The following ARHGEF9 variants were observed in gnomAD, a reference collection of about 807,000 sequenced individuals.
ARHGEF9 encodes the protein Cdc42 guanine nucleotide exchange factor 9.
In ARHGEF9, 2 loss-of-function variants were observed where a neutral mutation model predicts 41.3. The ratio of observed to expected loss-of-function variants is 0.05; its 90% CI spans 0.02 to 0.15. ARHGEF9 has a LOEUF of 0.15. Ranked by LOEUF, ARHGEF9 falls within the 10% of genes least tolerant of loss-of-function variation. The pLI is 1.00. For missense variants in ARHGEF9, 225 were observed against 424.7 expected, an observed-to-expected ratio of 0.53 and a Z score of 4.13; for synonymous variants, 160 against 154.4, an observed-to-expected ratio of 1.04 and a Z score of -0.27.
chrX:63,752,463 A>G (rs1477680000), intron 1 of ARHGEF9, among the ~76,000 whole-genome samples: 1 of 112,115 alleles, frequency 8.9e-6, no homozygotes, highest in Non-Finnish European at 1.9e-5. Context: ...AAGTGCCCAG[A>G]AAAGATATAA....
intron 8 of ARHGEF9, among the ~76,000 whole-genome samples, chrX:63,645,211 C>T (rs1255040953): frequency 9.1e-6 from 1 of 110,212 alleles, no homozygotes; most frequent in African/African-American, 3.3e-5. Context: ...GGAAAATATA[C>T]TCTAAAATGA....
chrX:63,701,407 T>A (rs782560546), intron 3 of ARHGEF9: 17 of 110,551 alleles, frequency 1.5e-4, no homozygotes, highest in Non-Finnish European at 2.6e-4. Flanking sequence ...CTGACAAACA[T>A]CTTGAAGACA....
intron 1 of ARHGEF9, chrX:63,767,036 G>A: frequency 2.1e-6 from 2 of 934,119 alleles, no homozygotes; most frequent in Non-Finnish European, 3.1e-6. Flanking sequence ...GTATTGAAGA[G>A]GTGAATATGT....
chrX:63,653,038 T>A (rs1556331421), intron 8 of ARHGEF9, among the ~76,000 whole-genome samples: 2 of 111,257 alleles, frequency 1.8e-5, no homozygotes, highest in Non-Finnish European at 3.8e-5. Context: ...GAACTGTGAG[T>A]CAATTAAACC....
chrX:63,683,149 C>T (rs2050761988), intron 4 of ARHGEF9, among the ~76,000 whole-genome samples: 1 of 108,672 alleles, frequency 9.2e-6, no homozygotes, highest in Non-Finnish European at 1.9e-5. Flanking sequence ...AGTAAAGATG[C>T]AGGATACAAA....
chrX:63,758,112 A>G (rs1464433079), intron 1 of ARHGEF9, among the ~76,000 whole-genome samples: 1 of 106,370 alleles, frequency 9.4e-6, no homozygotes, highest in African/African-American at 3.5e-5. Flanking sequence ...GCATTCTGAG[A>G]GCCAGAGAAT....
chrX:63,678,593 G>GAAAGGAA (rs2050416598), intron 4 of ARHGEF9, 21 bp from the exon 5 acceptor site: 1 of 1,118,736 alleles, frequency 8.9e-7, no homozygotes, highest in African/African-American at 1.8e-5. Context: ...AGAAAAAAAG[G>GAAAGGAA]AAAGGAAAAG....
At chrX:63,733,273 T>G (rs1259782869) in intron 1 of ARHGEF9, among the ~76,000 whole-genome samples, 2 of 111,819 alleles carry the variant, frequency 1.8e-5, no homozygotes, top group African/African-American at 3.3e-5. Flanking sequence ...TTACATAATA[T>G]GTACCCAGCT....
At chrX:63,669,618 C>A (rs1556352908) in intron 6 of ARHGEF9, among the ~76,000 whole-genome samples, 1 of 110,877 alleles carries the variant, frequency 9.0e-6, no homozygotes, top group Non-Finnish European at 1.9e-5. Flanking sequence ...GTTCCTTTAG[C>A]ACACACTCCT....
chrX:63,670,148 T>C (rs1404409271), intron 6 of ARHGEF9: 1 of 111,359 alleles, frequency 9.0e-6, no homozygotes, highest in Non-Finnish European at 1.9e-5. Flanking sequence ...CCAATTGATG[T>C]GGGGCTGTAA....
chrX:63,639,396 C>A (rs1384495906), intron 9 of ARHGEF9: 1 of 111,828 alleles, frequency 8.9e-6, no homozygotes, highest in Admixed American at 9.5e-5. Flanking sequence ...TATTTGAAAT[C>A]ATTACAGATT....
At position 63,675,395 on chromosome X, in the gene ARHGEF9, T is replaced by C. The variant is rs1240601187; in HGVS notation, c.816-1228A>G. ...GCTTTTGCACAATATAGAAACAGAA[T>C]GTAGCACAGTGGGTAAGAGCATAAA... On this transcript the variant is annotated intron_variant, in intron 5 of 9. Transcript: ENST00000671741. Among the ~76,000 whole-genome samples the C allele has an allele frequency of 4.5e-5, 5 of 111,523 alleles. No individual in the cohort carries two copies. The East Asian group carries it at 1.4e-3, about 32-fold the overall frequency.
chrX:63,740,556 G>A (rs1159423556), intron 1 of ARHGEF9, among the ~76,000 whole-genome samples: 2 of 112,407 alleles, frequency 1.8e-5, no homozygotes, highest in Non-Finnish European at 3.8e-5. Flanking sequence ...AGAGGGGAAC[G>A]TGACTGAGAC....
intron 1 of ARHGEF9, among the ~76,000 whole-genome samples, chrX:63,763,740 A>G (rs2056071825): frequency 9.0e-6 from 1 of 111,676 alleles, no homozygotes; most frequent in African/African-American, 3.3e-5. Context: ...TAGTTTCCTC[A>G]TTTACAAAAC....
At chrX:63,774,632 C>A (rs1264749682) in intron 1 of ARHGEF9, among the ~76,000 whole-genome samples, 2 of 111,339 alleles carry the variant, frequency 1.8e-5, no homozygotes, top group East Asian at 5.6e-4. Context: ...CTGCTTGGAA[C>A]AACTCATGCT....
intron 1 of ARHGEF9, chrX:63,755,126 C>G: frequency 1.1e-6 from 1 of 938,920 alleles, no homozygotes; most frequent in Non-Finnish European, 1.3e-6. Flanking sequence ...TCCCCATCCC[C>G]CGCTCAGCCC....
At chrX:63,688,004 G>T (rs1464704359) in intron 4 of ARHGEF9, among the ~76,000 whole-genome samples, 1 of 111,068 alleles carries the variant, frequency 9.0e-6, no homozygotes, top group Admixed American at 9.6e-5. Context: ...TCCAGGTACA[G>T]GGTTAAAGAC....
intron 9 of ARHGEF9, among the ~76,000 whole-genome samples, chrX:63,639,152 T>C (rs1182572845): frequency 8.9e-6 from 1 of 111,858 alleles, no homozygotes; most frequent in Non-Finnish European, 1.9e-5. Context: ...AATTCCAACA[T>C]TACAGTTACT....
intron 1 of ARHGEF9, among the ~76,000 whole-genome samples, chrX:63,765,695 G>C (rs1258638441): frequency 9.0e-6 from 1 of 111,667 alleles, no homozygotes; most frequent in African/African-American, 3.3e-5. Flanking sequence ...AGAAGACCCA[G>C]TTCCGGGAAA....
Sources: allele counts gnomAD v4.1 joint callset (sites outside exome capture counted in the v4.1 genomes callset), GRCh38; gene constraint gnomAD v4.1.1; transcripts MANE v1.5; gene names NCBI Gene and HGNC (gene_info 2026-07-23, HGNC 2026-07-21).